ZNF573: variants seen among roughly 807,000 people sequenced by gnomAD.
ZNF573 encodes the protein zinc finger protein 573.
In ZNF573, 41 loss-of-function variants were observed where a neutral mutation model predicts 57.4. The ratio of observed to expected loss-of-function variants is 0.71; its 90% CI spans 0.56 to 0.93. ZNF573 has a LOEUF of 0.93. ZNF573 is among the 40% of genes least tolerant of loss of function. The pLI is 0.00. For synonymous variants in ZNF573, 249 were observed against 261.0 expected, an observed-to-expected ratio of 0.95 and a Z score of 0.44; for missense variants, 730 against 794.8, an observed-to-expected ratio of 0.92 and a Z score of 0.98.
intron 4 of ZNF573, among the ~76,000 whole-genome samples, chr19:37,759,759 A>G (rs1464260709): frequency 2.0e-5 from 3 of 152,108 alleles, no homozygotes; most frequent in African/African-American, 7.2e-5. Flanking sequence ...ATAAATAAAA[A>G]TGAAAATAAA....
intron 4 of ZNF573, among the ~76,000 whole-genome samples, chr19:37,759,652 C>T (rs535425872): frequency 6.6e-6 from 1 of 152,018 alleles, no homozygotes; most frequent in South Asian, 2.1e-4. Context: ...GGCGTGAACC[C>T]GGGAGGCGGA....
intron 1 of ZNF573, among the ~76,000 whole-genome samples, chr19:37,775,627 G>C (rs1275749166): frequency 2.6e-5 from 4 of 151,990 alleles, no homozygotes; most frequent in African/African-American, 4.8e-5. Context: ...CATCCAAATT[G>C]ATTAAGAGGA....
intron 4 of ZNF573, among the ~76,000 whole-genome samples, chr19:37,765,731 T>C (rs1246345445): frequency 6.8e-6 from 1 of 146,626 alleles, no homozygotes. Context: ...ACAAAAACTG[T>C]CTAGTTACCT....
intron 2 of ZNF573, 66 bp downstream of exon 2, chr19:37,773,595 G>A: frequency 1.5e-6 from 2 of 1,314,694 alleles, no homozygotes; most frequent in Admixed American, 2.1e-5. Flanking sequence ...GAAGCCTTAG[G>A]TTAATGAAAA....
rs531118495 is a variant in ZNF573, at chr19:37,765,422, C to T, written c.295+4583G>A. On this transcript the variant is annotated intron_variant, in intron 4 of 4. Coordinates refer to ENST00000536220, the MANE Select transcript of ZNF573 (RefSeq NM_001172690.2). ...GGGAGAAGGCTGGCAATAAAATAAC[C>T]GTCTAAATCTGGGAGTGGTGGCTCA... 5.3e-5 allele frequency among the ~76,000 whole-genome samples: 8 copies of T among 152,128 alleles called. No homozygotes were observed. The East Asian group carries it at 1.4e-3, about 26-fold the overall frequency.
At chr19:37,743,090 G>A (rs528163077) in intron 4 of ZNF573, among the ~76,000 whole-genome samples, 2 of 152,172 alleles carry the variant, frequency 1.3e-5, no homozygotes, top group South Asian at 2.1e-4. Context: ...AGGCCAAGGC[G>A]GGTGGATCAC....
In ZNF573 at chr19:37,760,466, T is replaced by C. The variant is rs118000236; in HGVS notation, c.295+9539A>G. Among the ~76,000 whole-genome samples, 1,355 of 152,014 alleles carry C rather than the reference T, an allele frequency of 8.9e-3. 6 individuals carry two copies. Among genetic ancestry groups the C allele is most frequent in the Non-Finnish European group, 0.014 (924 of 67,988 alleles). On this transcript the variant is annotated intron_variant, in intron 4 of 4. Transcript: ENST00000536220. ...ATGGAATAAAATAAACATCTATGAG[T>C]CCATATTGATATAAATAATTGAATA...
At chr19:37,764,899 G>A (rs1599702458) in intron 4 of ZNF573, among the ~76,000 whole-genome samples, 2 of 141,358 alleles carry the variant, frequency 1.4e-5, no homozygotes, top group South Asian at 2.2e-4. Context: ...CACTGTGCCC[G>A]GCCTTTTTTT....
intron 4 of ZNF573, among the ~76,000 whole-genome samples, chr19:37,743,036 C>T (rs1331142092): frequency 6.6e-6 from 1 of 152,100 alleles, no homozygotes; most frequent in Non-Finnish European, 1.5e-5. Flanking sequence ...CAAAAGAAGA[C>T]ATTTGGCTGC....
intron 4 of ZNF573, among the ~76,000 whole-genome samples, chr19:37,760,638 A>G (rs929634237): frequency 2.6e-5 from 4 of 151,754 alleles, no homozygotes; most frequent in Non-Finnish European, 5.9e-5. Flanking sequence ...CCTGACCAAC[A>G]TGGTGAAACC....
intron 4 of ZNF573, among the ~76,000 whole-genome samples, chr19:37,752,230 C>T (rs557291700): frequency 5.9e-5 from 9 of 152,184 alleles, no homozygotes; most frequent in Admixed American, 4.6e-4. Flanking sequence ...ATCTATCTAC[C>T]CTTTGTATCA....
chr19:37,771,233 TG>T (rs982098396), intron 3 of ZNF573, among the ~76,000 whole-genome samples: 1 of 151,680 alleles, frequency 6.6e-6, no homozygotes, highest in Non-Finnish European at 1.5e-5. Flanking sequence ...ATATGCACAA[TG>T]GGAAACCAGG....
chr19:37,758,053 G>A (rs2045507215), intron 4 of ZNF573, among the ~76,000 whole-genome samples: 1 of 150,230 alleles, frequency 6.7e-6, no homozygotes, highest in African/African-American at 2.5e-5. Context: ...CCTGTTGTGG[G>A]GTGGGGGTAG....
rs2045308768 is a variant in ZNF573 at position 37,739,916 on chromosome 19, A to G, written c.574T>C (p.Cys192Arg). Reference sequence around the variant, plus strand: ...CTAAAGTTCTTCCCACATTCTGTACATTCATAGGGTTTCTCACCAGTATGA... The same window carrying G: ...CTAAAGTTCTTCCCACATTCTGTACGTTCATAGGGTTTCTCACCAGTATGA... ...RFHTGEKPYE[C>R]TECGKNFRSG... The change falls in exon 5 of 5, where the codon TGT (cysteine) becomes CGT (arginine). Residue 192 changes from cysteine (C) to arginine (R), a missense_variant. Transcript: ENST00000536220. The G allele has an allele frequency of 6.2e-7, 1 of 1,614,156 alleles. No homozygotes were observed. Among genetic ancestry groups the G allele is most frequent in the Non-Finnish European group, 8.5e-7 (1 of 1,180,014 alleles).
rs1409645655 is a variant in ZNF573, at chr19:37,738,733, T to G, written c.1757A>C (p.Glu586Ala). 2.5e-6 allele frequency: 4 copies of G among 1,613,834 alleles called. No homozygotes were observed. Among genetic ancestry groups the G allele is most frequent in the Non-Finnish European group, 3.4e-6 (4 of 1,179,950 alleles). ...HADKKPYECK[E>A]CGKAFKMYGY... is the part of the protein sequence containing the mutation. ...ATACATTTTAAAGGCCTTTCCACAT[T>G]CTTTACATTCATAGGGTTTTTTATC... Residue 586 changes from glutamate (E) to alanine (A), a missense_variant, in exon 5 of 5, where the codon GAA (glutamate) becomes GCA (alanine). Transcript: ENST00000536220.
rs535439533 is a variant in ZNF573 at position 37,749,348 on chromosome 19, G to A, written c.296-9154C>T. On this transcript the variant is annotated intron_variant, in intron 4 of 4. Transcript: ENST00000536220. Reference sequence around the variant, plus strand: ...ATATATTTTTAAAATATTCTCCCTTGGCTTGATGATTTTTAAAATAAAAAG... The same window carrying A: ...ATATATTTTTAAAATATTCTCCCTTAGCTTGATGATTTTTAAAATAAAAAG... Among the ~76,000 whole-genome samples, 7 of 151,700 alleles carry A rather than the reference G, an allele frequency of 4.6e-5. No individual in the cohort carries two copies. In the East Asian group the frequency reaches 1.3e-3, roughly 29 times the overall value.
intron 4 of ZNF573, among the ~76,000 whole-genome samples, chr19:37,748,787 C>T (rs754458491): frequency 6.6e-6 from 1 of 151,942 alleles, no homozygotes; most frequent in African/African-American, 2.4e-5. Flanking sequence ...ATTAGCCAGG[C>T]GTGGTGGCGG....
chr19:37,779,390 A>T (rs1489586537), intron 1 of ZNF573, among the ~76,000 whole-genome samples, 154 bp downstream of exon 1: 1 of 152,076 alleles, frequency 6.6e-6, no homozygotes, highest in Non-Finnish European at 1.5e-5. Context: ...AGATTCCGAT[A>T]ACAACTGGCC....
At chr19:37,744,248 A>G (rs1309883508) in intron 4 of ZNF573, among the ~76,000 whole-genome samples, 1 of 151,984 alleles carries the variant, frequency 6.6e-6, no homozygotes, top group South Asian at 2.1e-4. Context: ...AAACAACTTG[A>G]GAGATTAGGA....
Sources: gnomAD v4.1 joint callset for allele counts (sites outside exome capture counted in the v4.1 genomes callset) on GRCh38, gnomAD v4.1.1 for gene constraint, MANE v1.5 for transcripts, NCBI Gene and HGNC (gene_info 2026-07-23, HGNC 2026-07-21) for gene names.